ZMAT4: variants seen among roughly 807,000 people sequenced by gnomAD.
ZMAT4 encodes zinc finger matrin-type protein 4.
A neutral mutation model predicts 28.7 loss-of-function variants in ZMAT4; 17 were observed. The observed-to-expected ratio is 0.59, with a 90% CI of 0.41 to 0.89. The LOEUF is 0.89. ZMAT4 is among the 40% of genes least tolerant of loss of function. The probability of loss-of-function intolerance (pLI) is 0.00; values close to 1 mark genes in which losing one functional copy is unlikely to be tolerated. For missense variants in ZMAT4, 240 were observed against 283.8 expected (o/e 0.85, Z 1.11); for synonymous variants, 117 against 109.2 (o/e 1.07, Z -0.44).
chr8:40,892,222 G>A (rs185998251), intron 1 of ZMAT4, among the ~76,000 whole-genome samples: 97 of 152,304 alleles, frequency 6.4e-4, no homozygotes, highest in African/African-American at 2.2e-3. Flanking sequence ...AGTTTGCAGA[G>A]ATATCTAAAG....
At chr8:40,794,515 C>T (rs376639616) in intron 2 of ZMAT4, among the ~76,000 whole-genome samples, 372 of 152,266 alleles carry the variant, frequency 2.4e-3, no homozygotes, top group Non-Finnish European at 3.4e-3. Flanking sequence ...AGCCTTCTTC[C>T]GGGGGAGTTT....
chr8:40,635,670 C>T (rs1487683790), intron 5 of ZMAT4, among the ~76,000 whole-genome samples: 2 of 152,120 alleles, frequency 1.3e-5, no homozygotes, highest in Non-Finnish European at 2.9e-5. Flanking sequence ...CATAGAAGTC[C>T]GAGGTTTGAA....
chr8:40,629,400 T>C (rs967639434), intron 5 of ZMAT4, among the ~76,000 whole-genome samples: 7 of 151,888 alleles, frequency 4.6e-5, no homozygotes, highest in Non-Finnish European at 8.8e-5. Context: ...AATGGAGTTT[T>C]TTTTTTAATT....
intron 2 of ZMAT4, among the ~76,000 whole-genome samples, chr8:40,798,083 G>T (rs78221244): frequency 1.3e-5 from 2 of 152,272 alleles, no homozygotes; most frequent in East Asian, 3.9e-4. Context: ...ACAGTATGTC[G>T]CCAAAGAACT....
rs375513836 is a variant in ZMAT4, at chr8:40,766,572, A to C, written c.192+1069T>G. Among the ~76,000 whole-genome samples, 5 of 152,338 alleles carry C rather than the reference A, an allele frequency of 3.3e-5. No individual in the cohort carries two copies. The East Asian group carries it at 7.7e-4, about 24-fold the overall frequency. ...GTTTTCAAGACATCTTTTGCTTCCA[A>C]TAAGCTCTAAAGGCTGCTTCAACAA... On this transcript the variant is annotated intron_variant, in intron 3 of 6. Coordinates refer to ENST00000297737, the MANE Select transcript of ZMAT4 (RefSeq NM_024645.3).
intron 2 of ZMAT4, among the ~76,000 whole-genome samples, chr8:40,768,045 A>G (rs1429168897): frequency 6.6e-6 from 1 of 152,216 alleles, no homozygotes; most frequent in African/African-American, 2.4e-5. Context: ...AAAGGAAATA[A>G]CATAAGCATT....
chr8:40,751,105 A>T (rs1348940380), intron 3 of ZMAT4, among the ~76,000 whole-genome samples: 3 of 152,188 alleles, frequency 2.0e-5, no homozygotes, highest in African/African-American at 7.2e-5. Flanking sequence ...GAACTTCCTG[A>T]GGAACACACT....
At chr8:40,839,192 T>C (rs570359867) in intron 1 of ZMAT4, among the ~76,000 whole-genome samples, 1 of 152,332 alleles carries the variant, frequency 6.6e-6, no homozygotes, top group African/African-American at 2.4e-5. Flanking sequence ...TCTGTGACTC[T>C]GACCAGCAGA....
intron 1 of ZMAT4, among the ~76,000 whole-genome samples, chr8:40,850,304 C>A (rs1317217150): frequency 6.6e-6 from 1 of 152,144 alleles, no homozygotes; most frequent in African/African-American, 2.4e-5. Context: ...CCTCCCCCGC[C>A]ACTCACTGCC....
intron 3 of ZMAT4, among the ~76,000 whole-genome samples, chr8:40,706,711 C>T (rs1810369093): frequency 6.6e-6 from 1 of 152,162 alleles, no homozygotes; most frequent in African/African-American, 2.4e-5. Flanking sequence ...ACATAATATG[C>T]TCCAAGCAAA....
At chr8:40,718,013 A>G (rs552454441) in intron 3 of ZMAT4, among the ~76,000 whole-genome samples, 1 of 152,340 alleles carries the variant, frequency 6.6e-6, no homozygotes, top group South Asian at 2.1e-4. Context: ...GACTTTATAC[A>G]GATTTCACTA....
At chr8:40,801,357 TATATATATATATATAC>T (rs1563493724) in intron 2 of ZMAT4, among the ~76,000 whole-genome samples, 204 of 54,762 alleles carry the variant, frequency 3.7e-3, no homozygotes, top group African/African-American at 9.4e-3. Flanking sequence ...AAAAAATATA[TATATATATATATATAC>T]ATATATATAT....
At chr8:40,555,054 C>T (rs989156403) in intron 6 of ZMAT4, among the ~76,000 whole-genome samples, 1 of 152,136 alleles carries the variant, frequency 6.6e-6, no homozygotes, top group African/African-American at 2.4e-5. Context: ...ACCTCCTACA[C>T]ATGAGTGAGA....
chr8:40,663,393 C>A (rs1024151191), intron 5 of ZMAT4, among the ~76,000 whole-genome samples: 1 of 152,020 alleles, frequency 6.6e-6, no homozygotes, highest in African/African-American at 2.4e-5. Context: ...ATTATCTTCT[C>A]CCCCTCCCTT....
intron 5 of ZMAT4, among the ~76,000 whole-genome samples, chr8:40,614,754 T>C (rs925904541): frequency 3.9e-5 from 6 of 152,222 alleles, no homozygotes; most frequent in Non-Finnish European, 8.8e-5. Flanking sequence ...CAACCCGTGC[T>C]GTTTTATGTT....
intron 5 of ZMAT4, among the ~76,000 whole-genome samples, chr8:40,582,481 C>T (rs1804523456): frequency 6.6e-6 from 1 of 151,464 alleles, no homozygotes; most frequent in African/African-American, 2.4e-5. Flanking sequence ...AGAGTGAGGC[C>T]TTGTCTCAAA....
intron 6 of ZMAT4, among the ~76,000 whole-genome samples, chr8:40,565,353 C>T (rs76053978): frequency 0.089 from 13,337 of 149,572 alleles, 810 homozygotes; most frequent in Admixed American, 0.18. Flanking sequence ...AACACAACAG[C>T]AAGTGCTGGT....
intron 5 of ZMAT4, among the ~76,000 whole-genome samples, chr8:40,610,581 C>T (rs1805759631): frequency 6.6e-6 from 1 of 152,134 alleles, no homozygotes; most frequent in Non-Finnish European, 1.5e-5. Flanking sequence ...GAGTCATCTG[C>T]TTCATTTGGA....
At chr8:40,605,471 T>G (rs1458745144) in intron 5 of ZMAT4, among the ~76,000 whole-genome samples, 1 of 152,188 alleles carries the variant, frequency 6.6e-6, no homozygotes, top group African/African-American at 2.4e-5. Context: ...TATTTAATTT[T>G]CATGTATTTG....
Sources: gnomAD v4.1 joint callset for allele counts (sites outside exome capture counted in the v4.1 genomes callset) on GRCh38, gnomAD v4.1.1 for gene constraint, MANE v1.5 for transcripts, NCBI Gene and HGNC (gene_info 2026-07-23, HGNC 2026-07-21) for gene names.